CD1B: variants seen among roughly 807,000 people sequenced by gnomAD.
CD1B encodes the protein T-cell surface glycoprotein CD1b.
Under a neutral mutation model 39.8 loss-of-function variants are expected in CD1B, and 43 were observed. The ratio of observed to expected loss-of-function variants is 1.08; its 90% CI spans 0.85 to 1.39. CD1B has a LOEUF of 1.39. Among genes scored for constraint, CD1B ranks in the 40% most tolerant of loss-of-function variants. CD1B has a pLI of 0.00. For missense variants in CD1B, 495 were observed against 403.8 expected (o/e 1.23, Z -1.94); for synonymous variants, 192 against 152.5 (o/e 1.26, Z -1.91).
chr1:158,314,404 C>G, the CD1B span, among the ~76,000 whole-genome samples: 7 of 152,030 alleles, frequency 4.6e-5, no homozygotes, highest in African/African-American at 1.7e-4. Flanking sequence ...TTTGAAAAAA[C>G]GAAGTCTTCT....
the CD1B span, among the ~76,000 whole-genome samples, chr1:158,310,986 T>G: frequency 3.5e-3 from 537 of 152,226 alleles, 2 homozygotes; most frequent in African/African-American, 0.013. Flanking sequence ...AAACATTCTG[T>G]ACACCAAGCC....
chr1:158,306,008 A>C, the CD1B span, among the ~76,000 whole-genome samples: 2 of 152,230 alleles, frequency 1.3e-5, no homozygotes, highest in Non-Finnish European at 2.9e-5. Flanking sequence ...CGAGGCTAGG[A>C]AGAAACTGCA....
the CD1B span, among the ~76,000 whole-genome samples, chr1:158,320,913 A>G: frequency 5.2e-3 from 794 of 152,242 alleles, 7 homozygotes; most frequent in Non-Finnish European, 7.9e-3. Context: ...TAAGACTTTT[A>G]TTGCAGCTTA....
At chr1:158,319,309 C>T in the CD1B span, among the ~76,000 whole-genome samples, 850 of 152,124 alleles carry the variant, frequency 5.6e-3, 8 homozygotes, top group African/African-American at 0.019. Flanking sequence ...ACCAATCAGA[C>T]GTAGATTTGG....
chr1:158,328,243 A>C lies in CD1B; in HGVS notation c.995T>G (p.Ile332Ser). The C allele has an allele frequency of 6.2e-7, 1 of 1,612,308 alleles. No individual in the cohort carries two copies. The highest frequency in any genetic ancestry group is 8.5e-7 in the Non-Finnish European group (1 of 1,178,602). Residue 332 changes from isoleucine (I) to serine (S), a missense_variant, in exon 6 of 6, where the codon ATC becomes AGC. Ile to Ser is a moderately radical substitution (Grantham distance 142). Transcript: ENST00000368168. ...AGGAGACATGATGATGGCTCATGGG[A>C]TATTCTGATATGACCTGTTAAAAAC... ...WYMRRRSYQN[I>S]P
the CD1B span, among the ~76,000 whole-genome samples, chr1:158,320,667 C>T: frequency 1.3e-5 from 2 of 152,194 alleles, no homozygotes; most frequent in East Asian, 3.9e-4. Context: ...TCCTATTTGG[C>T]CATCTTGGCT....
the CD1B span, among the ~76,000 whole-genome samples, chr1:158,307,904 AT>A: frequency 6.6e-6 from 1 of 152,220 alleles, no homozygotes; most frequent in Non-Finnish European, 1.5e-5. Flanking sequence ...ACCTGGAAGC[AT>A]TCCCTTGGAA....
the CD1B span, chr1:158,292,464 CA>C: frequency 6.7e-7 from 1 of 1,489,776 alleles, no homozygotes; most frequent in Non-Finnish European, 9.1e-7. Flanking sequence ...GGACAAGAAG[CA>C]GGGGGGTTGC....
At chr1:158,310,888 TGTGAAG>T in the CD1B span, among the ~76,000 whole-genome samples, 1 of 152,180 alleles carries the variant, frequency 6.6e-6, no homozygotes, top group African/African-American at 2.4e-5. Flanking sequence ...GTTCAGCCAC[TGTGAAG>T]GGCAGTTTGG....
chr1:158,287,633 A>G, the CD1B span, among the ~76,000 whole-genome samples: 1 of 152,192 alleles, frequency 6.6e-6, no homozygotes, highest in Non-Finnish European at 1.5e-5. Flanking sequence ...TCAGAAGTCA[A>G]GATTGACCAT....
At chr1:158,322,633 T>C in the CD1B span, among the ~76,000 whole-genome samples, 7,272 of 152,122 alleles carry the variant, frequency 0.048, 564 homozygotes, top group African/African-American at 0.16. Flanking sequence ...ACATTAGCAT[T>C]TTTTTTCTTT....
the CD1B span, among the ~76,000 whole-genome samples, chr1:158,295,255 T>C: frequency 1.3e-5 from 2 of 150,802 alleles, no homozygotes; most frequent in African/African-American, 4.9e-5. Flanking sequence ...TGAGAGTGGA[T>C]GGAGGGAGAA....
chr1:158,301,804 T>C, the CD1B span, among the ~76,000 whole-genome samples: 1 of 152,348 alleles, frequency 6.6e-6, no homozygotes, highest in East Asian at 1.9e-4. Context: ...TGGTGTTCTC[T>C]GTATTTCCTG....
the CD1B span, among the ~76,000 whole-genome samples, chr1:158,306,604 C>T: frequency 6.6e-6 from 1 of 152,184 alleles, no homozygotes; most frequent in Non-Finnish European, 1.5e-5. Context: ...CAGAACTCTC[C>T]ACCCCAAATC....
the CD1B span, among the ~76,000 whole-genome samples, chr1:158,308,196 C>T: frequency 2.6e-5 from 4 of 152,122 alleles, no homozygotes; most frequent in Admixed American, 2.6e-4. Flanking sequence ...CAGTAACAGA[C>T]AGAGAGCCAA....
the CD1B span, among the ~76,000 whole-genome samples, chr1:158,311,222 A>G: frequency 2.0e-5 from 3 of 151,802 alleles, no homozygotes; most frequent in African/African-American, 7.3e-5. Flanking sequence ...GACTAATTCA[A>G]ACTGGGGTGA....
the CD1B span, among the ~76,000 whole-genome samples, chr1:158,286,370 C>A: frequency 6.6e-6 from 1 of 152,202 alleles, no homozygotes; most frequent in South Asian, 2.1e-4. Context: ...TGTAAAGAGT[C>A]TGCCAGTTTC....
chr1:158,320,908 C>G, the CD1B span, among the ~76,000 whole-genome samples: 66 of 152,124 alleles, frequency 4.3e-4, no homozygotes, highest in African/African-American at 1.4e-3. Flanking sequence ...TATGTTAAGA[C>G]TTTTATTGCA....
At chr1:158,305,403 C>G in the CD1B span, among the ~76,000 whole-genome samples, 1 of 152,066 alleles carries the variant, frequency 6.6e-6, no homozygotes, top group Non-Finnish European at 1.5e-5. Flanking sequence ...AAGAAATTAA[C>G]AAAGCCTCCA....
Sources: gnomAD v4.1 joint callset for allele counts (sites outside exome capture counted in the v4.1 genomes callset) on GRCh38, gnomAD v4.1.1 for gene constraint, MANE v1.5 for transcripts, NCBI Gene and HGNC (gene_info 2026-07-23, HGNC 2026-07-21) for gene names.